The following SLC16A7 variants were observed in gnomAD, a reference collection of about 807,000 sequenced individuals.
SLC16A7 encodes the protein solute carrier family 16 member 7.
A neutral mutation model predicts 34.9 loss-of-function variants in SLC16A7; 33 were observed. That is an observed-to-expected ratio of 0.94 (90% confidence interval 0.72 to 1.26). The LOEUF (loss-of-function observed/expected upper bound fraction) is 1.26, where lower values mean the gene tolerates loss of function less well. Among genes scored for constraint, SLC16A7 ranks in the 50% most tolerant of loss-of-function variants. The pLI is 0.00. For synonymous variants in SLC16A7, 201 were observed against 206.6 expected, an observed-to-expected ratio of 0.97 and a Z score of 0.23; for missense variants, 573 against 578.1, an observed-to-expected ratio of 0.99 and a Z score of 0.09.
chr12:59,670,341 A>C (rs984406659), intron 2 of SLC16A7, among the ~76,000 whole-genome samples: 3 of 152,152 alleles, frequency 2.0e-5, no homozygotes, highest in African/African-American at 7.2e-5. Context: ...ATTCTGAGAT[A>C]CTGGAGGTTA....
intron 1 of SLC16A7, among the ~76,000 whole-genome samples, chr12:59,647,318 C>T (rs927853971): frequency 2.0e-5 from 3 of 152,040 alleles, no homozygotes; most frequent in Non-Finnish European, 4.4e-5. Flanking sequence ...TGTGCTGTTC[C>T]TGTGATAGTA....
intron 3 of SLC16A7, among the ~76,000 whole-genome samples, chr12:59,718,586 T>C (rs1464766249): frequency 2.6e-5 from 4 of 152,188 alleles, no homozygotes; most frequent in Non-Finnish European, 1.5e-5. Flanking sequence ...TCATATCTCA[T>C]AATTAAATAC....
At chr12:59,639,522 G>A (rs1381146181) in intron 1 of SLC16A7, among the ~76,000 whole-genome samples, 1 of 151,984 alleles carries the variant, frequency 6.6e-6, no homozygotes, top group Non-Finnish European at 1.5e-5. Flanking sequence ...TAGCTGGGAC[G>A]AGAGATGCAA....
intron 2 of SLC16A7, among the ~76,000 whole-genome samples, chr12:59,666,500 A>G (rs1312103257): frequency 6.6e-6 from 1 of 152,194 alleles, no homozygotes; most frequent in African/African-American, 2.4e-5. Context: ...TGTCGTTTCC[A>G]TAATCCCCAC....
intron 2 of SLC16A7, among the ~76,000 whole-genome samples, chr12:59,665,422 A>G (rs1592452314): frequency 6.6e-6 from 1 of 151,972 alleles, no homozygotes. Flanking sequence ...ATTTGTAACT[A>G]TGTATGTGTA....
intron 3 of SLC16A7, among the ~76,000 whole-genome samples, chr12:59,770,658 G>A (rs552109651): frequency 4.0e-4 from 61 of 152,026 alleles, no homozygotes; most frequent in Non-Finnish European, 6.9e-4. Flanking sequence ...AAGTCATTAG[G>A]TGTAAGACAT....
intron 3 of SLC16A7, among the ~76,000 whole-genome samples, chr12:59,714,046 TG>T (rs1335595627): frequency 6.6e-6 from 1 of 152,142 alleles, no homozygotes; most frequent in Non-Finnish European, 1.5e-5. Context: ...CATAATTGAG[TG>T]ATCAGGCAAT....
chr12:59,602,581 TC>T (rs1436103510), intron 1 of SLC16A7, among the ~76,000 whole-genome samples: 1 of 150,702 alleles, frequency 6.6e-6, no homozygotes, highest in Non-Finnish European at 1.5e-5. Flanking sequence ...CCTCCTGAGT[TC>T]AAGTGATTCT....
At chr12:59,643,383 T>G (rs1880771874) in intron 1 of SLC16A7, among the ~76,000 whole-genome samples, 1 of 152,204 alleles carries the variant, frequency 6.6e-6, no homozygotes, top group African/African-American at 2.4e-5. Context: ...CATATATGTC[T>G]ATAAATCTAG....
intron 1 of SLC16A7, among the ~76,000 whole-genome samples, chr12:59,637,824 G>A (rs1880501430): frequency 6.6e-6 from 1 of 152,094 alleles, no homozygotes; most frequent in Non-Finnish European, 1.5e-5. Context: ...GTGGATTAAT[G>A]CCTTTATCAT....
chr12:59,699,172 A>C (rs1272184405), intron 2 of SLC16A7, among the ~76,000 whole-genome samples: 1 of 151,588 alleles, frequency 6.6e-6, no homozygotes, highest in Non-Finnish European at 1.5e-5. Flanking sequence ...TATTGATTTT[A>C]ATCTTTAAGT....
At chr12:59,635,173 T>C (rs10877323) in intron 1 of SLC16A7, among the ~76,000 whole-genome samples, 34,272 of 151,978 alleles carry the variant, frequency 0.23, 4,604 homozygotes, top group East Asian at 0.66. Flanking sequence ...GTATGTGCTC[T>C]AAATTCTCAT....
At chr12:59,668,302 G>A (rs546482204) in intron 2 of SLC16A7, among the ~76,000 whole-genome samples, 1 of 152,306 alleles carries the variant, frequency 6.6e-6, no homozygotes, top group Admixed American at 6.5e-5. Context: ...ACTCCAGCCT[G>A]TGAAAGCAGC....
intron 1 of SLC16A7, among the ~76,000 whole-genome samples, chr12:59,600,462 C>CT (rs893738289): frequency 1.5e-3 from 210 of 143,770 alleles, no homozygotes; most frequent in African/African-American, 2.2e-3. Context: ...AATAATGGAA[C>CT]TTTTTTTTTT....
intron 1 of SLC16A7, among the ~76,000 whole-genome samples, chr12:59,608,377 T>C (rs562189474): frequency 3.9e-5 from 6 of 152,356 alleles, no homozygotes; most frequent in African/African-American, 1.2e-4. Flanking sequence ...TGCAACTTCA[T>C]ACCAGCTTCT....
intron 3 of SLC16A7, among the ~76,000 whole-genome samples, chr12:59,707,664 A>C (rs1330862544): frequency 6.6e-6 from 1 of 152,118 alleles, no homozygotes; most frequent in Non-Finnish European, 1.5e-5. Flanking sequence ...AATATGTCTA[A>C]GTTAAATATT....
intron 3 of SLC16A7, among the ~76,000 whole-genome samples, chr12:59,725,563 A>G (rs1231336101): frequency 6.6e-6 from 1 of 152,172 alleles, no homozygotes; most frequent in African/African-American, 2.4e-5. Flanking sequence ...ATAGTATTTT[A>G]TAGATTTTAA....
chr12:59,770,475 T>G (rs570584406), intron 3 of SLC16A7, among the ~76,000 whole-genome samples: 27 of 152,264 alleles, frequency 1.8e-4, no homozygotes, highest in African/African-American at 5.8e-4. Flanking sequence ...CTGTCAAAAA[T>G]CAGGATTTAT....
intron 2 of SLC16A7, among the ~76,000 whole-genome samples, chr12:59,699,611 T>C (rs1872664719): frequency 6.6e-6 from 1 of 151,742 alleles, no homozygotes; most frequent in Non-Finnish European, 1.5e-5. Context: ...TAATGACATC[T>C]AACTGGAGAC....
Sources: gnomAD v4.1 joint callset for allele counts (sites outside exome capture counted in the v4.1 genomes callset) on GRCh38, gnomAD v4.1.1 for gene constraint, MANE v1.5 for transcripts, NCBI Gene and HGNC (gene_info 2026-07-23, HGNC 2026-07-21) for gene names.